CCSER1: variants seen among roughly 807,000 people sequenced by gnomAD.
CCSER1 encodes serine-rich coiled-coil domain-containing protein 1.
CCSER1 carries 41 observed loss-of-function variants against 82.0 expected under a neutral mutation model. That is an observed-to-expected ratio of 0.50 (90% CI 0.39 to 0.65). The LOEUF (loss-of-function observed/expected upper bound fraction) is 0.65. Ranked by LOEUF, CCSER1 falls within the 30% of genes least tolerant of loss-of-function variation. The probability of loss-of-function intolerance (pLI) is 0.00; values close to 1 mark genes in which losing one functional copy is unlikely to be tolerated. For synonymous variants in CCSER1, 414 were observed against 383.9 expected (o/e 1.08, Z -0.92); for missense variants, 1,119 against 1,064.2 (o/e 1.05, Z -0.72).
At chr4:91,494,275 A>G (rs1261841416) in intron 10 of CCSER1, among the ~76,000 whole-genome samples, 1 of 151,870 alleles carries the variant, frequency 6.6e-6, no homozygotes, top group Non-Finnish European at 1.5e-5. Flanking sequence ...AATGTGAACT[A>G]CTAGCAGTGG....
chr4:90,887,158 G>C (rs997220921), intron 8 of CCSER1, among the ~76,000 whole-genome samples: 2 of 152,020 alleles, frequency 1.3e-5, no homozygotes, highest in African/African-American at 4.8e-5. Context: ...ACAATCTTAG[G>C]TAGAATTAAG....
intron 10 of CCSER1, among the ~76,000 whole-genome samples, chr4:91,521,966 C>T (rs1320557555): frequency 6.6e-6 from 1 of 152,096 alleles, no homozygotes; most frequent in Non-Finnish European, 1.5e-5. Flanking sequence ...ATGCCTATGT[C>T]CTGAATGGTA....
intron 1 of CCSER1, among the ~76,000 whole-genome samples, chr4:90,170,392 C>G (rs1253909726): frequency 4.0e-5 from 6 of 150,686 alleles, no homozygotes; most frequent in Non-Finnish European, 8.9e-5. Context: ...CTTTACCTAC[C>G]TAACAGCTAA....
chr4:90,995,888 A>G (rs900565517), intron 9 of CCSER1, among the ~76,000 whole-genome samples: 1 of 152,052 alleles, frequency 6.6e-6, no homozygotes, highest in Non-Finnish European at 1.5e-5. Flanking sequence ...TTATTTTTTA[A>G]ATGATAATTT....
At chr4:91,057,647 C>T (rs1004749416) in intron 9 of CCSER1, among the ~76,000 whole-genome samples, 8 of 152,070 alleles carry the variant, frequency 5.3e-5, no homozygotes, top group African/African-American at 1.9e-4. Context: ...TTGAGTTTTG[C>T]TCTAAGAACA....
At chr4:90,556,270 A>T (rs1778129680) in intron 5 of CCSER1, among the ~76,000 whole-genome samples, 1 of 152,130 alleles carries the variant, frequency 6.6e-6, no homozygotes, top group Non-Finnish European at 1.5e-5. Context: ...TATAGAAAGC[A>T]GATGATTATT....
At position 90,547,433 on chromosome 4, in the gene CCSER1, A is replaced by G. The variant is rs539340637; in HGVS notation, c.1724+79079A>G. 4.6e-5 allele frequency among the ~76,000 whole-genome samples: 7 copies of G among 152,140 alleles called. No individual in the cohort carries two copies. The South Asian group carries it at 1.5e-3, about 32-fold the overall frequency. On this transcript the variant is annotated intron_variant, in intron 5 of 10. Transcript: ENST00000509176. ...CTATTAATATGCCAGTGCCAGAGAG[A>G]AACATATTAATACACTTTCACTTTC... is the stretch of plus-strand genomic sequence containing the variant.
intron 10 of CCSER1, among the ~76,000 whole-genome samples, chr4:91,510,673 T>A (rs1004291195): frequency 7.9e-5 from 12 of 152,240 alleles, no homozygotes; most frequent in Middle Eastern, 3.4e-3. Flanking sequence ...TTTAATAGGG[T>A]TTGTTTTTAC....
intron 1 of CCSER1, among the ~76,000 whole-genome samples, chr4:90,296,535 G>C (rs1731979372): frequency 6.6e-6 from 1 of 152,122 alleles, no homozygotes. Context: ...TGTTGCCATT[G>C]CTTTTGGTGC....
intron 7 of CCSER1, among the ~76,000 whole-genome samples, chr4:90,773,997 C>T (rs909466840): frequency 6.6e-5 from 10 of 152,060 alleles, no homozygotes; most frequent in Middle Eastern, 6.8e-3. Flanking sequence ...ACATAAGATA[C>T]GATAAAATAA....
At chr4:91,146,300 A>G (rs1233958022) in intron 10 of CCSER1, among the ~76,000 whole-genome samples, 1 of 151,980 alleles carries the variant, frequency 6.6e-6, no homozygotes, top group African/African-American at 2.4e-5. Context: ...TAATATGGTG[A>G]TATTGGCTTT....
intron 6 of CCSER1, among the ~76,000 whole-genome samples, chr4:90,682,526 C>T (rs531415489): frequency 1.3e-5 from 2 of 152,000 alleles, no homozygotes; most frequent in South Asian, 4.2e-4. Context: ...TCAGTGGTTT[C>T]ATATAACAAA....
intron 5 of CCSER1, among the ~76,000 whole-genome samples, chr4:90,558,431 A>G (rs975774913): frequency 6.6e-6 from 1 of 152,120 alleles, no homozygotes; most frequent in African/African-American, 2.4e-5. Context: ...CAAAAATTCC[A>G]GTAAATCGCC....
At chr4:91,158,202 C>G (rs531532348) in intron 10 of CCSER1, among the ~76,000 whole-genome samples, 1 of 152,080 alleles carries the variant, frequency 6.6e-6, no homozygotes, top group South Asian at 2.1e-4. Context: ...GAATATCTCT[C>G]AGTTAGTATT....
intron 6 of CCSER1, among the ~76,000 whole-genome samples, chr4:90,697,995 G>T (rs1207417756): frequency 6.6e-6 from 1 of 152,140 alleles, no homozygotes; most frequent in Non-Finnish European, 1.5e-5. Flanking sequence ...CATTAGGGAA[G>T]TTTTCATGGA....
intron 4 of CCSER1, among the ~76,000 whole-genome samples, chr4:90,460,211 G>T (rs913833118): frequency 6.8e-6 from 1 of 146,926 alleles, no homozygotes; most frequent in Non-Finnish European, 1.5e-5. Flanking sequence ...TGTAGTCCCA[G>T]CTACACAGGA....
chr4:90,707,831 A>G (rs909578614), intron 6 of CCSER1, among the ~76,000 whole-genome samples: 2 of 152,172 alleles, frequency 1.3e-5, no homozygotes, highest in Non-Finnish European at 1.5e-5. Context: ...CAGCACAGCT[A>G]GTTGTAACGA....
chr4:90,958,795 C>A (rs1191194201), intron 9 of CCSER1, among the ~76,000 whole-genome samples: 2 of 152,086 alleles, frequency 1.3e-5, no homozygotes, highest in Non-Finnish European at 2.9e-5. Flanking sequence ...TCCCACCCTC[C>A]AGAATTGTCA....
rs139093271 is a variant in CCSER1 at position 90,638,066 on chromosome 4, C to A, written c.1932+9834C>A. On this transcript the variant is annotated intron_variant, in intron 6 of 10. Transcript: ENST00000509176. ...GCCCTACTCTAACTTGAAATAGGTG[C>A]GGGATAACTCCTTTAAGCTTTTGAA... Among the ~76,000 whole-genome samples, 567 of 152,118 alleles carry A rather than the reference C, an allele frequency of 3.7e-3. 4 individuals are homozygous for A. Among genetic ancestry groups the A allele is most frequent in the African/African-American group, 0.013 (540 of 41,516 alleles).
Sources: gnomAD v4.1 joint callset for allele counts (sites outside exome capture counted in the v4.1 genomes callset) on GRCh38, gnomAD v4.1.1 for gene constraint, MANE v1.5 for transcripts, NCBI Gene and HGNC (gene_info 2026-07-23, HGNC 2026-07-21) for gene names.